Variants in RAB7A observed in about 807,000 individuals in gnomAD.
The protein encoded by RAB7A is RAB7A, member RAS oncogene family.
In RAB7A, 2 loss-of-function variants were observed where a neutral mutation model predicts 24.5. The observed-to-expected ratio is 0.08, with a 90% CI of 0.03 to 0.26. The LOEUF (loss-of-function observed/expected upper bound fraction) is 0.26. RAB7A is among the 10% of genes least tolerant of loss of function. RAB7A has a pLI of 1.00. For synonymous variants in RAB7A, 100 were observed against 95.9 expected (o/e 1.04, Z -0.25); for missense variants, 118 against 255.7 (o/e 0.46, Z 3.67).
chr3:128,762,329 C>G (rs1418687336), intron 1 of RAB7A, among the ~76,000 whole-genome samples: 1 of 152,166 alleles, frequency 6.6e-6, no homozygotes, highest in African/African-American at 2.4e-5. Context: ...GCTAACTCTT[C>G]CCAAGGAATT....
chr3:128,803,385 A>C (rs1933738106), intron 3 of RAB7A, among the ~76,000 whole-genome samples: 1 of 152,146 alleles, frequency 6.6e-6, no homozygotes, highest in African/African-American at 2.4e-5. Flanking sequence ...AATGCCTAAT[A>C]GTATCCAAGC....
chr3:128,804,660 G>A (rs56373544), intron 3 of RAB7A, among the ~76,000 whole-genome samples: 72,318 of 151,962 alleles, frequency 0.48, 19,883 homozygotes, highest in Non-Finnish European at 0.63. Flanking sequence ...TCTTTTTGAT[G>A]TATTACTTTG....
At chr3:128,743,448 G>A (rs1181925546) in intron 1 of RAB7A, among the ~76,000 whole-genome samples, 1 of 152,258 alleles carries the variant, frequency 6.6e-6, no homozygotes, top group Non-Finnish European at 1.5e-5. Context: ...CTGAGAGCGA[G>A]CAAGGGCCAC....
chr3:128,726,519 C>T (rs1237791776), intron 1 of RAB7A, among the ~76,000 whole-genome samples, 160 bp downstream of exon 1: 1 of 152,108 alleles, frequency 6.6e-6, no homozygotes, highest in Non-Finnish European at 1.5e-5. Context: ...CCGGAGCAGG[C>T]CAAGACCCCA....
intron 2 of RAB7A, among the ~76,000 whole-genome samples, chr3:128,796,125 C>G (rs1001051496): frequency 1.3e-5 from 2 of 152,116 alleles, no homozygotes; most frequent in Admixed American, 6.6e-5. Context: ...TGCAAAAGAG[C>G]CTGGGACGGC....
At chr3:128,742,071 A>G (rs1415922056) in intron 1 of RAB7A, among the ~76,000 whole-genome samples, 1 of 151,910 alleles carries the variant, frequency 6.6e-6, no homozygotes, top group African/African-American at 2.4e-5. Flanking sequence ...CTTCCTTCTG[A>G]TGTTCGGACA....
intron 3 of RAB7A, among the ~76,000 whole-genome samples, chr3:128,801,191 A>G (rs1425861084): frequency 6.6e-6 from 1 of 152,210 alleles, no homozygotes; most frequent in East Asian, 1.9e-4. Context: ...CCTGTAGTTA[A>G]CAATACTGTA....
chr3:128,745,934 T>G (rs1452422964), intron 1 of RAB7A, among the ~76,000 whole-genome samples: 3 of 152,234 alleles, frequency 2.0e-5, no homozygotes. Context: ...AATGTGGGCT[T>G]CTTGACCAGC....
chr3:128,760,400 G>C (rs953140299), intron 1 of RAB7A, among the ~76,000 whole-genome samples: 1 of 152,080 alleles, frequency 6.6e-6, no homozygotes, highest in African/African-American at 2.4e-5. Context: ...TAATCTATTG[G>C]TTCTGTTTAT....
chr3:128,768,173 CT>C (rs1215379898), intron 1 of RAB7A, among the ~76,000 whole-genome samples: 2 of 152,154 alleles, frequency 1.3e-5, no homozygotes, highest in African/African-American at 2.4e-5. Context: ...TGTATATATA[CT>C]TTAAGTATAC....
chr3:128,753,737 AG>A (rs1376277886), intron 1 of RAB7A, among the ~76,000 whole-genome samples: 2 of 152,156 alleles, frequency 1.3e-5, no homozygotes, highest in African/African-American at 4.8e-5. Flanking sequence ...CCTTATATAA[AG>A]TCATTAATCC....
At chr3:128,776,761 G>A (rs1287307639) in intron 1 of RAB7A, among the ~76,000 whole-genome samples, 1 of 152,046 alleles carries the variant, frequency 6.6e-6, no homozygotes, top group African/African-American at 2.4e-5. Flanking sequence ...AATACTTTCA[G>A]CAGCCTCCAT....
At position 128,791,160 on chromosome 3, in the gene RAB7A, A is replaced by T. The variant is rs1471734378; in HGVS notation, c.-8-4200A>T. ...TCATGTTTTGTTTGTTTTTTTTTTTAAAGACAATTTTGCTCTTGTTGCCCA... is the reference window on the plus strand; with the variant it reads ...TCATGTTTTGTTTGTTTTTTTTTTTTAAGACAATTTTGCTCTTGTTGCCCA... On this transcript the variant is annotated intron_variant, in intron 1 of 5. Transcript: ENST00000265062. Among the ~76,000 whole-genome samples the T allele has an allele frequency of 6.6e-5, 10 of 151,028 alleles. No individual in the cohort carries two copies. The East Asian group carries it at 1.2e-3, about 18-fold the overall frequency.
intron 1 of RAB7A, among the ~76,000 whole-genome samples, chr3:128,761,888 CTG>C (rs2070778315): frequency 6.6e-6 from 1 of 152,232 alleles, no homozygotes; most frequent in Non-Finnish European, 1.5e-5. Flanking sequence ...GCCTGCCAAA[CTG>C]TGGCACCAGC....
chr3:128,729,259 G>A (rs892200318), intron 1 of RAB7A, among the ~76,000 whole-genome samples: 2 of 151,936 alleles, frequency 1.3e-5, no homozygotes, highest in Admixed American at 1.3e-4. Context: ...AAAAAATTTT[G>A]GTTATTTGAT....
intron 3 of RAB7A, among the ~76,000 whole-genome samples, chr3:128,804,720 G>A (rs544593628): frequency 6.6e-6 from 1 of 152,294 alleles, no homozygotes; most frequent in South Asian, 2.1e-4. Context: ...CCACCTAACA[G>A]TAACAGAGTT....
intron 1 of RAB7A, 29 bp from the exon 2 acceptor site, chr3:128,795,331 C>CA: frequency 6.3e-7 from 1 of 1,582,424 alleles, no homozygotes; most frequent in African/African-American, 1.3e-5. Context: ...CCATCACACT[C>CA]ACAGTGATTT....
intron 1 of RAB7A, among the ~76,000 whole-genome samples, chr3:128,743,657 A>AGTCTCTGCAG (rs2070578976): frequency 6.6e-6 from 1 of 152,226 alleles, no homozygotes; most frequent in Non-Finnish European, 1.5e-5. Context: ...GTCTCTGAAC[A>AGTCTCTGCAG]AAATCAAGAA....
chr3:128,738,004 C>CT (rs1335830039), intron 1 of RAB7A, among the ~76,000 whole-genome samples: 3 of 150,878 alleles, frequency 2.0e-5, no homozygotes, highest in Non-Finnish European at 4.4e-5. Flanking sequence ...CCCCACTCCC[C>CT]TTTTTTTTAA....
Sources: gnomAD v4.1 joint callset for allele counts (sites outside exome capture counted in the v4.1 genomes callset) on GRCh38, gnomAD v4.1.1 for gene constraint, MANE v1.5 for transcripts, NCBI Gene and HGNC (gene_info 2026-07-23, HGNC 2026-07-21) for gene names.